DLGAP4: variants seen among roughly 807,000 people sequenced by gnomAD.
The protein encoded by DLGAP4 is DLG associated protein 4.
A neutral mutation model predicts 86.9 loss-of-function variants in DLGAP4; 18 were observed. The ratio of observed to expected loss-of-function variants is 0.21; its 90% confidence interval spans 0.14 to 0.31. DLGAP4 has a LOEUF of 0.31. DLGAP4 is among the 10% of genes least tolerant of loss of function. DLGAP4 has a pLI of 1.00. For missense variants in DLGAP4, 1,085 were observed against 1,362.6 expected, an observed-to-expected ratio of 0.80 and a Z score of 3.21; for synonymous variants, 548 against 574.3, an observed-to-expected ratio of 0.95 and a Z score of 0.65.
At chr20:36,405,974 G>A (rs929467172) in intron 2 of DLGAP4, among the ~76,000 whole-genome samples, 2 of 152,150 alleles carry the variant, frequency 1.3e-5, no homozygotes, top group South Asian at 2.1e-4. Flanking sequence ...TGGTGCCACC[G>A]GGAGTCTGGA....
intron 8 of DLGAP4, 111 bp from the exon 9 acceptor site, chr20:36,499,477 A>T: frequency 7.3e-7 from 1 of 1,376,106 alleles, no homozygotes; most frequent in African/African-American, 1.4e-5. Flanking sequence ...CTGTCTGTCC[A>T]CACGTCCGTT....
chr20:36,502,297 CG>C (rs1853967357), intron 10 of DLGAP4, among the ~76,000 whole-genome samples: 2 of 152,118 alleles, frequency 1.3e-5, no homozygotes, highest in African/African-American at 4.8e-5. Flanking sequence ...TTTCCTAAAA[CG>C]AATTGTTTGC....
chr20:36,445,055 C>G (rs1206177222), intron 6 of DLGAP4, among the ~76,000 whole-genome samples: 1 of 152,164 alleles, frequency 6.6e-6, no homozygotes, highest in African/African-American at 2.4e-5. Flanking sequence ...CTCCTGGGCT[C>G]AAGTTACTGG....
At chr20:36,511,572 G>T (rs1008186804) in intron 10 of DLGAP4, among the ~76,000 whole-genome samples, 1 of 151,650 alleles carries the variant, frequency 6.6e-6, no homozygotes, top group African/African-American at 2.4e-5. Flanking sequence ...TTGTGAAATT[G>T]ATCATTTAAA....
At chr20:36,380,010 TG>T (rs1207538232) in intron 2 of DLGAP4, among the ~76,000 whole-genome samples, 1 of 151,656 alleles carries the variant, frequency 6.6e-6, no homozygotes, top group African/African-American at 2.4e-5. Flanking sequence ...AGTGAGACTC[TG>T]TCTCTACAGA....
At chr20:36,334,250 G>A (rs2065299076) in intron 1 of DLGAP4, among the ~76,000 whole-genome samples, 1 of 152,198 alleles carries the variant, frequency 6.6e-6, no homozygotes, top group Non-Finnish European at 1.5e-5. Flanking sequence ...GCCTCTGGGG[G>A]CTGGGAGAGT....
In DLGAP4 at chr20:36,446,738, C is replaced by T. The variant is rs140434008; in HGVS notation, c.1449C>T (p.Cys483=). Reference sequence around the variant, plus strand: ...TGAGTGACCAGTATGAGGCGGCCTGCGAGTCAGCCTGCAGTGAAGCGGAGT... The same window carrying T: ...TGAGTGACCAGTATGAGGCGGCCTGTGAGTCAGCCTGCAGTGAAGCGGAGT... ...AELSDQYEAA[C]ESACSEAEST... The change falls in exon 7 of 13, where the codon TGC becomes TGT. Residue 483 remains cysteine (C), a synonymous_variant. Coordinates refer to ENST00000339266, the MANE Select transcript of DLGAP4 (RefSeq NM_001365621.2). 227 of 1,611,616 alleles carry T rather than the reference C, an allele frequency of 1.4e-4. No individual in the cohort carries two copies. In the African/African-American group the frequency reaches 2.3e-3, roughly 17 times the overall value.
At chr20:36,392,270 G>A (rs2031809292) in intron 2 of DLGAP4, among the ~76,000 whole-genome samples, 1 of 152,222 alleles carries the variant, frequency 6.6e-6, no homozygotes, top group South Asian at 2.1e-4. Context: ...CAAATGCGTT[G>A]AGTCTCAGAT....
intron 7 of DLGAP4, among the ~76,000 whole-genome samples, chr20:36,492,114 CG>C (rs1490844457): frequency 1.3e-5 from 2 of 152,066 alleles, no homozygotes; most frequent in Non-Finnish European, 2.9e-5. Context: ...AAGGCCCCAG[CG>C]GGGGAGGAAG....
At chr20:36,340,248 C>A (rs2065364888) in intron 1 of DLGAP4, among the ~76,000 whole-genome samples, 2 of 152,146 alleles carry the variant, frequency 1.3e-5, no homozygotes, top group African/African-American at 4.8e-5. Context: ...CCCCTGCACA[C>A]CCTCCGTTTC....
chr20:36,330,558 A>AT (rs113329878), intron 1 of DLGAP4, among the ~76,000 whole-genome samples: 95 of 131,008 alleles, frequency 7.3e-4, no homozygotes, highest in Non-Finnish European at 1.1e-3. Context: ...GACTTTTGGG[A>AT]TTTTTTTTTT....
intron 1 of DLGAP4, among the ~76,000 whole-genome samples, chr20:36,324,506 G>C (rs2065198421): frequency 6.6e-6 from 1 of 152,146 alleles, no homozygotes; most frequent in African/African-American, 2.4e-5. Flanking sequence ...TTTTGTGCCT[G>C]GTGTGAGGTA....
intron 10 of DLGAP4, among the ~76,000 whole-genome samples, chr20:36,523,033 G>A (rs184077368): frequency 6.7e-6 from 1 of 149,964 alleles, no homozygotes; most frequent in East Asian, 1.9e-4. Flanking sequence ...CTGTAGAGAT[G>A]GACTTTTATA....
Position 36,439,800 on chromosome 20 carries a change from T to A in DLGAP4, c.1288T>A (p.Cys430Ser). Residue 430 changes from cysteine to serine, a missense_variant, in exon 5 of 13, where the codon TGT becomes AGT. Cys to Ser is a moderately radical substitution (Grantham distance 112, BLOSUM62 -1). Transcript: ENST00000339266. ...AGTGGACATGCTGCTGCCCTCCAAG[T>A]GTCCGAGCTGGGAAGAGGACTACAC... Reference protein sequence around the residue: ...DSVDMLLPSKCPSWEEDYTPV... With the variant: ...DSVDMLLPSKSPSWEEDYTPV... The A allele has an allele frequency of 6.2e-7, 1 of 1,613,538 alleles. No individual in the cohort carries two copies. The highest frequency in any genetic ancestry group is 8.5e-7 in the Non-Finnish European group (1 of 1,179,836).
chr20:36,398,848 G>T (rs1050734465), intron 2 of DLGAP4, among the ~76,000 whole-genome samples: 2 of 152,208 alleles, frequency 1.3e-5, no homozygotes, highest in Admixed American at 6.5e-5. Flanking sequence ...GATGGGAGTT[G>T]CTGGAGAATA....
At chr20:36,516,955 A>G (rs1056836756) in intron 10 of DLGAP4, among the ~76,000 whole-genome samples, 8 of 151,928 alleles carry the variant, frequency 5.3e-5, no homozygotes, top group East Asian at 2.0e-4. Flanking sequence ...TATATTTTGT[A>G]TCTCTATAAA....
At chr20:36,455,591 A>G (rs557765534) in intron 7 of DLGAP4, among the ~76,000 whole-genome samples, 2 of 151,860 alleles carry the variant, frequency 1.3e-5, no homozygotes, top group African/African-American at 4.8e-5. Flanking sequence ...GTTCTGTGTC[A>G]CTCTGAGTGG....
At chr20:36,324,748 G>A (rs547225051) in intron 1 of DLGAP4, among the ~76,000 whole-genome samples, 249 of 152,178 alleles carry the variant, frequency 1.6e-3, no homozygotes, top group African/African-American at 5.6e-3. Flanking sequence ...AATAAGTTTC[G>A]AAACTTATTA....
At chr20:36,449,830 C>T (rs2033689256) in intron 7 of DLGAP4, among the ~76,000 whole-genome samples, 1 of 152,228 alleles carries the variant, frequency 6.6e-6, no homozygotes, top group South Asian at 2.1e-4. Flanking sequence ...TACAATTATG[C>T]TGCATAACAA....
Sources: gnomAD v4.1 joint callset for allele counts (sites outside exome capture counted in the v4.1 genomes callset) on GRCh38, gnomAD v4.1.1 for gene constraint, MANE v1.5 for transcripts, NCBI Gene and HGNC (gene_info 2026-07-23, HGNC 2026-07-21) for gene names.